The following BRIP1 variants were observed in gnomAD, a reference collection of about 807,000 sequenced individuals.
BRIP1 encodes the protein Fanconi anemia group J protein.
BRIP1 carries 88 observed loss-of-function variants against 119.7 expected under a neutral mutation model. The observed-to-expected ratio is 0.74, with a 90% confidence interval of 0.62 to 0.88. The LOEUF (loss-of-function observed/expected upper bound fraction) is 0.88. BRIP1 is among the 40% of genes least tolerant of loss of function. BRIP1 has a pLI of 0.00. For synonymous variants in BRIP1, 443 were observed against 496.5 expected (o/e 0.89, Z 1.43); for missense variants, 1,259 against 1,455.4 (o/e 0.87, Z 2.20).
At chr17:61,719,019 A>G (rs2144429768) in intron 16 of BRIP1, among the ~76,000 whole-genome samples, 1 of 152,308 alleles carries the variant, frequency 6.6e-6, no homozygotes, top group South Asian at 2.1e-4. Context: ...GTACAGAAGC[A>G]ATTTTTTTTC....
At position 61,860,622 on chromosome 17, in the gene BRIP1, T is replaced by C. The variant is rs1270856839; in HGVS notation, c.94-715A>G. ...TTGCAGTGAGCCAAGATCGCGCCAC[T>C]GCACTCCAATCTGGGCGACAGAGTG... On this transcript the variant is annotated intron_variant, in intron 2 of 19. Coordinates refer to ENST00000259008, the MANE Select transcript of BRIP1 (RefSeq NM_032043.3). The surrounding 1 kb of genome is among the most constrained non-coding windows in gnomAD (Gnocchi z 4.1). Among the ~76,000 whole-genome samples the C allele has an allele frequency of 1.3e-5, 2 of 152,006 alleles. No homozygotes were observed. Among genetic ancestry groups the C allele is most frequent in the Non-Finnish European group, 2.9e-5 (2 of 67,988 alleles).
At position 61,793,663 on chromosome 17, in the gene BRIP1, A is replaced by G. The variant is rs2145242083; in HGVS notation, c.1407T>C (p.Ser469=). Residue 469 remains serine (S), a synonymous_variant, in exon 10 of 20, where the codon AGT becomes AGC. Coordinates refer to ENST00000259008, the MANE Select transcript of BRIP1 (RefSeq NM_032043.3). The surrounding 1 kb of genome is among the most constrained non-coding windows in gnomAD (Gnocchi z 5.2). ...GTAAAGTTAAGAGCATTTCATTTCC[A>G]CTCCATATTTTACAAGCTGATTCAT... ...RDYESACKIW[S]GNEMLLTLHK... 1 of 1,609,852 alleles carries G rather than the reference A, an allele frequency of 6.2e-7. No individual in the cohort carries two copies. Among genetic ancestry groups the G allele is most frequent in the South Asian group, 1.1e-5 (1 of 90,670 alleles).
In BRIP1 at chr17:61,748,916, T is replaced by A. The variant is rs2077094863; in HGVS notation, c.2098-4325A>T. Among the ~76,000 whole-genome samples the A allele has an allele frequency of 6.6e-6, 1 of 152,164 alleles. No homozygotes were observed. The highest frequency in any genetic ancestry group is 2.1e-4 in the South Asian group (1 of 4,828). On this transcript the variant is annotated intron_variant, in intron 14 of 19. Transcript: ENST00000259008. The surrounding 1 kb of genome is among the most constrained non-coding windows in gnomAD (Gnocchi z 4.7). ...ACTTTGGGAGGCCAAGGCGGGCAGA[T>A]CACGAGGTCAGGAGATTGAGACCAT... is the stretch of plus-strand genomic sequence containing the variant.
intron 17 of BRIP1, among the ~76,000 whole-genome samples, chr17:61,694,001 A>T (rs1470472671): frequency 3.3e-5 from 5 of 152,126 alleles, no homozygotes; most frequent in African/African-American, 1.2e-4. Flanking sequence ...ACACTGAATC[A>T]TCCTTGCATT....
rs1050938365 is a variant in BRIP1 at position 61,701,912 on chromosome 17, T to C, written c.2493-8400A>G. On this transcript the variant is annotated intron_variant, in intron 17 of 19. Coordinates refer to ENST00000259008, the MANE Select transcript of BRIP1 (RefSeq NM_032043.3). The surrounding 1 kb of genome is among the most constrained non-coding windows in gnomAD (Gnocchi z 5.1). Reference sequence around the variant, plus strand: ...TTTGCTCCCTCCAATGACTGTCAGGTTGTTGGCTTTCCTCACGATTTCAGG... The same window carrying C: ...TTTGCTCCCTCCAATGACTGTCAGGCTGTTGGCTTTCCTCACGATTTCAGG... Among the ~76,000 whole-genome samples the C allele has an allele frequency of 6.6e-6, 1 of 152,140 alleles. No homozygotes were observed. Among genetic ancestry groups the C allele is most frequent in the African/African-American group, 2.4e-5 (1 of 41,436 alleles).
At chr17:61,723,827 A>T (rs574488706) in intron 16 of BRIP1, among the ~76,000 whole-genome samples, 1 of 152,298 alleles carries the variant, frequency 6.6e-6, no homozygotes, top group African/African-American at 2.4e-5. Context: ...CTATTTTATT[A>T]ACAGTTGCAA....
Position 61,746,562 on chromosome 17 carries a change from C to T in BRIP1, c.2098-1971G>A, listed in dbSNP as rs2077060164. On this transcript the variant is annotated intron_variant, in intron 14 of 19. Transcript: ENST00000259008. This position sits in a 1 kb window ranked among gnomAD's most constrained non-coding sequence, Gnocchi z 4.9. ...GCAATTCTAAGATACTAAATAGATT[C>T]TAAGTCAAAAATTGTCACAAGAGAC... Among the ~76,000 whole-genome samples, 1 of 142,616 alleles carries T rather than the reference C, an allele frequency of 7.0e-6. No homozygotes were observed. Among genetic ancestry groups the T allele is most frequent in the African/African-American group, 2.6e-5 (1 of 38,324 alleles). 93.6% of individuals were successfully genotyped at this position (142,616 alleles called of 152,430 possible). A position where few individuals can be genotyped will look rare whatever the true frequency, so the allele number is the denominator to read the frequency against.
At position 61,761,877 on chromosome 17, in the gene BRIP1, A is replaced by G. The variant is rs189999773; in HGVS notation, c.2097+14524T>C. ...CAATGTAATCTCTATCAAAATTCCA[A>G]TGTCATTTTTCATAGAAATAGAAAA... On this transcript the variant is annotated intron_variant, in intron 14 of 19. Coordinates refer to ENST00000259008, the MANE Select transcript of BRIP1 (RefSeq NM_032043.3). The surrounding 1 kb of genome is among the most constrained non-coding windows in gnomAD (Gnocchi z 6.4). Among the ~76,000 whole-genome samples the G allele has an allele frequency of 1.3e-5, 2 of 152,244 alleles. No individual in the cohort carries two copies. Among genetic ancestry groups the G allele is most frequent in the East Asian group, 3.9e-4 (2 of 5,186 alleles).
rs553343285 is a variant in BRIP1 at position 61,802,949 on chromosome 17, G to C, written c.919-1475C>G. Among the ~76,000 whole-genome samples the C allele has an allele frequency of 1.3e-5, 2 of 152,208 alleles. No homozygotes were observed. The highest frequency in any genetic ancestry group is 3.9e-4 in the East Asian group (2 of 5,184). On this transcript the variant is annotated intron_variant, in intron 7 of 19. Transcript: ENST00000259008. This position sits in a 1 kb window ranked among gnomAD's most constrained non-coding sequence, Gnocchi z 6.0. ...ATCTTTTGTTATCTCTATCTTAAAA[G>C]TAAAAAATAGAATCTTGTTTTGATT...
chr17:61,696,080 A>G (rs2061515077), intron 17 of BRIP1, among the ~76,000 whole-genome samples: 1 of 152,162 alleles, frequency 6.6e-6, no homozygotes, highest in Non-Finnish European at 1.5e-5. Context: ...TTTAAGATTA[A>G]GTATGATGTT....
At position 61,794,175 on chromosome 17, in the gene BRIP1, TTAAG is replaced by T. The variant is rs566387833; in HGVS notation, c.1341-450_1341-447del. ...ATTGATATATATACACATTCATACA[TTAAG>T]TGTTTGAATGCCTATTTTATTCCAG... On this transcript the variant is annotated intron_variant, in intron 9 of 19. Coordinates refer to ENST00000259008, the MANE Select transcript of BRIP1 (RefSeq NM_032043.3). The surrounding 1 kb of genome is among the most constrained non-coding windows in gnomAD (Gnocchi z 4.3). Among the ~76,000 whole-genome samples the T allele has an allele frequency of 7.9e-5, 12 of 152,272 alleles. 1 individual carries two copies. In the East Asian group the frequency reaches 2.3e-3, roughly 29 times the overall value.
chr17:61,765,382 TATATATATATATATATATA>T (rs2077341931), intron 14 of BRIP1, among the ~76,000 whole-genome samples: 15 of 18,318 alleles, frequency 8.2e-4, no homozygotes, highest in Admixed American at 2.2e-3. Context: ...GTATATATTA[TATATATATATATATATATA>T]TATATATATA....
rs1370013395 is a variant in BRIP1, at chr17:61,687,621, T to A, written c.2576-1456A>T. On this transcript the variant is annotated intron_variant, in intron 18 of 19. Coordinates refer to ENST00000259008, the MANE Select transcript of BRIP1 (RefSeq NM_032043.3). This position sits in a 1 kb window ranked among gnomAD's most constrained non-coding sequence, Gnocchi z 5.1. ...CTCTTTATTATAATAAAATGTATTT[T>A]TTTTTTAGCTAAAAGGTAATAATAA... Among the ~76,000 whole-genome samples the A allele has an allele frequency of 6.6e-6, 1 of 152,210 alleles. No individual in the cohort carries two copies. Among genetic ancestry groups the A allele is most frequent in the Non-Finnish European group, 1.5e-5 (1 of 68,034 alleles).
At position 61,683,049 on chromosome 17, in the gene BRIP1, T is replaced by C. The variant is rs1379081212; in HGVS notation, c.*247A>G. On this transcript the variant is annotated 3_prime_UTR_variant, in exon 20 of 20. Coordinates refer to ENST00000259008, the MANE Select transcript of BRIP1 (RefSeq NM_032043.3). The surrounding 1 kb of genome is among the most constrained non-coding windows in gnomAD (Gnocchi z 4.7). ...CAGAAGGCTGAGGCAGGAGAATCAC[T>C]TGAACCTGGAGGTGAAGGTTGCAGT... 2.2e-6 allele frequency: 1 copy of C among 446,480 alleles called. No homozygotes were observed. The highest frequency in any genetic ancestry group is 2.0e-5 in the African/African-American group (1 of 50,100). 27.7% of individuals were successfully genotyped at this position (446,480 alleles called of 1,614,324 possible). A position where few individuals can be genotyped will look rare whatever the true frequency, so the allele number is the denominator to read the frequency against.
chr17:61,808,388 T>G lies in BRIP1; in HGVS notation c.918+79A>C, dbSNP rs1163140639. On this transcript the variant is annotated intron_variant, in intron 7 of 19. Transcript: ENST00000259008. This position sits in a 1 kb window ranked among gnomAD's most constrained non-coding sequence, Gnocchi z 4.1. ...TTTCCGAAGTTGATTATCACTAAAA[T>G]GTACATATAAAACACATACTGAGTA... is the stretch of plus-strand genomic sequence containing the variant. The G allele has an allele frequency of 4.2e-6, 6 of 1,420,552 alleles. No individual in the cohort carries two copies. The highest frequency in any genetic ancestry group is 4.1e-4 in the Middle Eastern group (2 of 4,902). The allele number at this position is 1,420,552 out of a possible 1,614,324, so 88.0% of individuals were successfully genotyped here.
At position 61,726,880 on chromosome 17, in the gene BRIP1, C is replaced by T. The variant is rs1199074163; in HGVS notation, c.2380-10817G>A. 6.6e-6 allele frequency among the ~76,000 whole-genome samples: 1 copy of T among 152,062 alleles called. No individual in the cohort carries two copies. The highest frequency in any genetic ancestry group is 2.4e-5 in the African/African-American group (1 of 41,374). On this transcript the variant is annotated intron_variant, in intron 16 of 19. Transcript: ENST00000259008. The surrounding 1 kb of genome is among the most constrained non-coding windows in gnomAD (Gnocchi z 6.2). ...AGTGCATGATTGGTACCATATTAGT[C>T]TAAATATTATTTTATTCAAATATCT...
rs1233566551 is a variant in BRIP1, at chr17:61,832,407, CCT to C, written c.627+14692_627+14693del. On this transcript the variant is annotated intron_variant, in intron 6 of 19. Coordinates refer to ENST00000259008, the MANE Select transcript of BRIP1 (RefSeq NM_032043.3). The surrounding 1 kb of genome is among the most constrained non-coding windows in gnomAD (Gnocchi z 5.5). ...ATTTCAGAGTTCTTCCCCATAAAGT[CCT>C]CTTTTATAAAGGCAAAAAGATAACT... Among the ~76,000 whole-genome samples the C allele has an allele frequency of 2.6e-5, 4 of 152,068 alleles. No individual in the cohort carries two copies. Among genetic ancestry groups the C allele is most frequent in the Non-Finnish European group, 4.4e-5 (3 of 68,006 alleles).
Position 61,713,142 on chromosome 17 carries a change from G to A in BRIP1, c.2492+2809C>T, listed in dbSNP as rs1314226037. On this transcript the variant is annotated intron_variant, in intron 17 of 19. Coordinates refer to ENST00000259008, the MANE Select transcript of BRIP1 (RefSeq NM_032043.3). This position sits in a 1 kb window ranked among gnomAD's most constrained non-coding sequence, Gnocchi z 4.9. Reference sequence around the variant, plus strand: ...GCACAATGCATTACAAGTGCTTGTGGCGATGCTGGTGTAAACAAACCTACT... The same window carrying A: ...GCACAATGCATTACAAGTGCTTGTGACGATGCTGGTGTAAACAAACCTACT... Among the ~76,000 whole-genome samples, 1 of 152,032 alleles carries A rather than the reference G, an allele frequency of 6.6e-6. No individual in the cohort carries two copies. Among genetic ancestry groups the A allele is most frequent in the Admixed American group, 6.5e-5 (1 of 15,268 alleles).
rs577653436 is a variant in BRIP1 at position 61,810,441 on chromosome 17, A to G, written c.628-1684T>C. ...AATCAATTAACATACAAAAAGAATT[A>G]AGGTAACTCAATTAGAATTAATTTA... On this transcript the variant is annotated intron_variant, in intron 6 of 19. Coordinates refer to ENST00000259008, the MANE Select transcript of BRIP1 (RefSeq NM_032043.3). This position sits in a 1 kb window ranked among gnomAD's most constrained non-coding sequence, Gnocchi z 4.7. 5.4e-4 allele frequency among the ~76,000 whole-genome samples: 82 copies of G among 152,340 alleles called. No individual in the cohort carries two copies. The highest frequency in any genetic ancestry group is 1.0e-3 in the Non-Finnish European group (71 of 68,036).
Sources: allele counts gnomAD v4.1 joint callset (sites outside exome capture counted in the v4.1 genomes callset), GRCh38; gene constraint gnomAD v4.1.1; non-coding constraint Gnocchi (gnomAD v3.1); transcripts MANE v1.5; gene names NCBI Gene and HGNC (gene_info 2026-07-23, HGNC 2026-07-21).